Variants in FSTL4 observed in about 807,000 individuals in gnomAD.
FSTL4 encodes the protein follistatin-related protein 4.
FSTL4 carries 28 observed loss-of-function variants against 78.2 expected under a neutral mutation model. That is an observed-to-expected ratio of 0.36 (90% CI 0.27 to 0.49). The LOEUF is 0.49. Ranked by LOEUF, FSTL4 falls within the 20% of genes least tolerant of loss-of-function variation. The pLI is 0.98. For synonymous variants in FSTL4, 422 were observed against 440.5 expected, an observed-to-expected ratio of 0.96 and a Z score of 0.53; for missense variants, 922 against 1,084.9, an observed-to-expected ratio of 0.85 and a Z score of 2.11.
At chr5:133,532,954 T>A (rs534170379) in intron 3 of FSTL4, among the ~76,000 whole-genome samples, 6 of 152,156 alleles carry the variant, frequency 3.9e-5, no homozygotes, top group Admixed American at 6.5e-5. Context: ...ACCCCAAGCA[T>A]CCAACCAGAA....
At chr5:133,690,570 A>G in the FSTL4 span, among the ~76,000 whole-genome samples, 1 of 152,304 alleles carries the variant, frequency 6.6e-6, no homozygotes, top group South Asian at 2.1e-4. Flanking sequence ...CTGCATGCAT[A>G]TAGGACCCCA....
intron 4 of FSTL4, among the ~76,000 whole-genome samples, chr5:133,362,916 C>A (rs149723497): frequency 6.6e-6 from 1 of 151,870 alleles, no homozygotes; most frequent in Non-Finnish European, 1.5e-5. Flanking sequence ...TCATTTTTTT[C>A]TTTCTTTCTT....
rs1162188033 is a variant in FSTL4 at position 133,466,992 on chromosome 5, A to G, written c.161-66006T>C. Among the ~76,000 whole-genome samples the G allele has an allele frequency of 2.0e-5, 3 of 151,212 alleles. No homozygotes were observed. In the East Asian group the frequency reaches 5.9e-4, roughly 29 times the overall value. On this transcript the variant is annotated intron_variant, in intron 3 of 15. Coordinates refer to ENST00000265342, the MANE Select transcript of FSTL4 (RefSeq NM_015082.2). ...TGTATGTGTATGAGTGTGAATGTAT[A>G]TGTGACAGTGTATGAGTGTGTGAGC...
the FSTL4 span, among the ~76,000 whole-genome samples, chr5:133,713,620 G>A: frequency 1.3e-5 from 2 of 151,962 alleles, no homozygotes; most frequent in African/African-American, 4.8e-5. Context: ...ATCTTCCCAG[G>A]ATACCCCCTG....
At chr5:133,210,430 C>G (rs1042640352) in intron 13 of FSTL4, 132 bp from the exon 14 acceptor site, 1 of 469,628 alleles carries the variant, frequency 2.1e-6, no homozygotes, top group Non-Finnish European at 3.9e-6. Context: ...ATTTGGGAAC[C>G]CAGGGCAGAA....
At chr5:133,788,811 C>A in the FSTL4 span, among the ~76,000 whole-genome samples, 1 of 152,144 alleles carries the variant, frequency 6.6e-6, no homozygotes, top group Non-Finnish European at 1.5e-5. Flanking sequence ...AAGATTTATG[C>A]GGTTTCCTCA....
At chr5:133,204,834 C>CA (rs33932730) in intron 14 of FSTL4, among the ~76,000 whole-genome samples, 41,973 of 128,934 alleles carry the variant, frequency 0.33, 6,662 homozygotes, top group Middle Eastern at 0.48. Flanking sequence ...GATTCTGTCT[C>CA]AAAAAAAAAA....
chr5:133,461,567 A>C (rs1360777526), intron 3 of FSTL4, among the ~76,000 whole-genome samples: 1 of 147,856 alleles, frequency 6.8e-6, no homozygotes, highest in South Asian at 2.1e-4. Flanking sequence ...ACAAACAAAC[A>C]AACCCTCCGA....
intron 3 of FSTL4, among the ~76,000 whole-genome samples, chr5:133,561,054 A>C (rs1759901217): frequency 6.6e-6 from 1 of 150,598 alleles, no homozygotes; most frequent in African/African-American, 2.4e-5. Context: ...GCACCACTGC[A>C]CTCCAGCCTG....
At chr5:133,636,054 T>C in the FSTL4 span, among the ~76,000 whole-genome samples, 1 of 152,326 alleles carries the variant, frequency 6.6e-6, no homozygotes. Flanking sequence ...GGTCGGCACC[T>C]GGCCTATAAT....
intron 3 of FSTL4, among the ~76,000 whole-genome samples, chr5:133,551,550 T>C (rs986878507): frequency 3.9e-5 from 6 of 152,208 alleles, no homozygotes; most frequent in South Asian, 2.1e-4. Context: ...GATTAAAAGT[T>C]AGCCATGCTC....
At chr5:133,679,693 C>G in the FSTL4 span, among the ~76,000 whole-genome samples, 1 of 152,174 alleles carries the variant, frequency 6.6e-6, no homozygotes, top group African/African-American at 2.4e-5. Context: ...ATTTGCAGAA[C>G]AGGCTGTCTG....
intron 11 of FSTL4, 98 bp downstream of exon 11, chr5:133,224,092 T>C: frequency 1.1e-6 from 1 of 904,098 alleles, no homozygotes; most frequent in South Asian, 1.5e-5. Flanking sequence ...AGGGCTGCTT[T>C]GTGTGGGAAA....
At chr5:133,545,866 A>C (rs1759563856) in intron 3 of FSTL4, among the ~76,000 whole-genome samples, 1 of 152,244 alleles carries the variant, frequency 6.6e-6, no homozygotes, top group South Asian at 2.1e-4. Context: ...CATGACCAGA[A>C]TGTTCACAGA....
intron 3 of FSTL4, among the ~76,000 whole-genome samples, chr5:133,415,679 T>A (rs1385663884): frequency 6.6e-6 from 1 of 152,108 alleles, no homozygotes; most frequent in Non-Finnish European, 1.5e-5. Context: ...CGGTAGCAGC[T>A]GAGGCAGGTG....
the FSTL4 span, among the ~76,000 whole-genome samples, chr5:133,626,455 A>T: frequency 6.8e-6 from 1 of 147,308 alleles, no homozygotes; most frequent in Non-Finnish European, 1.5e-5. Context: ...CACCTGCCTC[A>T]GTCTCCCAAA....
intron 3 of FSTL4, among the ~76,000 whole-genome samples, chr5:133,546,039 T>C (rs1759566558): frequency 6.6e-6 from 1 of 152,214 alleles, no homozygotes. Flanking sequence ...TGAATTAGAA[T>C]ATATGGTAGA....
the FSTL4 span, among the ~76,000 whole-genome samples, chr5:133,628,393 C>T: frequency 1.4e-5 from 2 of 146,752 alleles, no homozygotes; most frequent in African/African-American, 5.2e-5. Flanking sequence ...GAGTTTTGCT[C>T]CTGTTGCCCA....
the FSTL4 span, among the ~76,000 whole-genome samples, chr5:133,662,579 G>A: frequency 1.3e-5 from 2 of 152,164 alleles, no homozygotes; most frequent in Non-Finnish European, 2.9e-5. Context: ...AATTACCCTT[G>A]ATTTTTATTC....
Sources: allele counts gnomAD v4.1 joint callset (sites outside exome capture counted in the v4.1 genomes callset), GRCh38; gene constraint gnomAD v4.1.1; transcripts MANE v1.5; gene names NCBI Gene and HGNC (gene_info 2026-07-23, HGNC 2026-07-21).